Variants in SEZ6L observed in about 807,000 individuals in gnomAD.
The protein encoded by SEZ6L is seizure 6-like protein.
SEZ6L carries 37 observed loss-of-function variants against 106.2 expected under a neutral mutation model. That is an observed-to-expected ratio of 0.35 (90% CI 0.27 to 0.46). The LOEUF is 0.46. Among genes scored for constraint, SEZ6L ranks in the 20% least tolerant of loss-of-function variants. SEZ6L has a pLI of 1.00. For missense variants in SEZ6L, 1,172 were observed against 1,332.8 expected (o/e 0.88, Z 1.88); for synonymous variants, 541 against 570.4 (o/e 0.95, Z 0.73).
At chr22:26,179,612 G>A (rs888045145) in intron 1 of SEZ6L, among the ~76,000 whole-genome samples, 1 of 152,164 alleles carries the variant, frequency 6.6e-6, no homozygotes, top group Admixed American at 6.6e-5. Flanking sequence ...GCCAAAAAGG[G>A]TCTAAGGCAT....
At position 26,377,779 on chromosome 22, in the gene SEZ6L, A is replaced by T; in HGVS notation, c.3045+4A>T. ...CAACCCCATTTACGAGACAGGGGTG[A>T]GTTGGTCTCTCTCGTCTCTTCCCAA... On this transcript the variant is annotated splice_donor_region_variant and intron_variant, in intron 16 of 16. Coordinates refer to ENST00000248933, the MANE Select transcript of SEZ6L (RefSeq NM_021115.5). 1.3e-6 allele frequency: 2 copies of T among 1,596,072 alleles called. No individual in the cohort carries two copies. The highest frequency in any genetic ancestry group is 1.7e-6 in the Non-Finnish European group (2 of 1,163,606).
intron 9 of SEZ6L, among the ~76,000 whole-genome samples, 162 bp downstream of exon 9, chr22:26,314,064 T>C (rs368645704): frequency 4.9e-4 from 68 of 140,084 alleles, no homozygotes; most frequent in Non-Finnish European, 8.0e-4. Flanking sequence ...AAGAACAGCA[T>C]CACAAATACA....
chr22:26,245,393 G>C (rs1024895147), intron 1 of SEZ6L, among the ~76,000 whole-genome samples: 3 of 152,110 alleles, frequency 2.0e-5, no homozygotes, highest in African/African-American at 7.2e-5. Context: ...CTCCCAGGCA[G>C]CCCTTGAATT....
At chr22:26,219,892 T>C (rs377169435) in intron 1 of SEZ6L, among the ~76,000 whole-genome samples, 1 of 152,196 alleles carries the variant, frequency 6.6e-6, no homozygotes, top group African/African-American at 2.4e-5. Flanking sequence ...CAAACCACCA[T>C]GGGACACGTT....
At chr22:26,233,506 G>A (rs1442513993) in intron 1 of SEZ6L, among the ~76,000 whole-genome samples, 4 of 152,182 alleles carry the variant, frequency 2.6e-5, no homozygotes, top group South Asian at 2.1e-4. Context: ...CATGAGGAAG[G>A]GAAGTCTATT....
chr22:26,347,151 A>G (rs986803164), intron 10 of SEZ6L, among the ~76,000 whole-genome samples: 8 of 151,970 alleles, frequency 5.3e-5, no homozygotes, highest in Non-Finnish European at 1.0e-4. Context: ...AGCTATGATC[A>G]TACTCTTGCA....
intron 13 of SEZ6L, among the ~76,000 whole-genome samples, chr22:26,366,384 T>C (rs1187988678): frequency 1.3e-5 from 2 of 151,794 alleles, no homozygotes; most frequent in African/African-American, 2.4e-5. Flanking sequence ...ATCACAATTA[T>C]GAAAATGTTC....
intron 1 of SEZ6L, among the ~76,000 whole-genome samples, chr22:26,263,726 G>A (rs1321842167): frequency 6.6e-6 from 1 of 152,178 alleles, no homozygotes; most frequent in East Asian, 1.9e-4. Context: ...AGCATTTACA[G>A]TGCAGGAAAA....
At chr22:26,373,159 A>T (rs1270820262) in intron 13 of SEZ6L, among the ~76,000 whole-genome samples, 1 of 152,238 alleles carries the variant, frequency 6.6e-6, no homozygotes, top group Non-Finnish European at 1.5e-5. Context: ...TTAACTGAGC[A>T]AATGTATGTA....
chr22:26,264,841 A>T (rs1465732605), intron 1 of SEZ6L, among the ~76,000 whole-genome samples: 5 of 152,200 alleles, frequency 3.3e-5, no homozygotes, highest in African/African-American at 9.7e-5. Flanking sequence ...AGGGGAAATG[A>T]TTGGGATGTG....
chr22:26,364,596 T>A (rs1163819211), intron 12 of SEZ6L, among the ~76,000 whole-genome samples: 1 of 152,148 alleles, frequency 6.6e-6, no homozygotes, highest in Non-Finnish European at 1.5e-5. Flanking sequence ...GTACTTTGTG[T>A]CTGCAGCTGA....
intron 1 of SEZ6L, among the ~76,000 whole-genome samples, chr22:26,287,011 G>T (rs984699183): frequency 6.7e-6 from 1 of 150,014 alleles, no homozygotes; most frequent in African/African-American, 2.5e-5. Context: ...GCCTCCCAAA[G>T]TGCTGGGATT....
chr22:26,281,151 AATTAATGG>A (rs146747099), intron 1 of SEZ6L, among the ~76,000 whole-genome samples: 4,598 of 152,224 alleles, frequency 0.03, 100 homozygotes, highest in East Asian at 0.055. Flanking sequence ...ACTACTCCTG[AATTAATGG>A]ATTAATGGAT....
chr22:26,175,492 C>T (rs969963612), intron 1 of SEZ6L, among the ~76,000 whole-genome samples: 1 of 152,144 alleles, frequency 6.6e-6, no homozygotes, highest in African/African-American at 2.4e-5. Context: ...AAGACCGTTT[C>T]ACCATTAATG....
chr22:26,349,938 G>T (rs1388100166), intron 11 of SEZ6L, among the ~76,000 whole-genome samples: 1 of 151,972 alleles, frequency 6.6e-6, no homozygotes, highest in Non-Finnish European at 1.5e-5. Context: ...GAAAAGTAAT[G>T]AAAGTTTATT....
rs147328329 is a variant in SEZ6L, at chr22:26,310,685, C to T, written c.1530C>T (p.Ser510=). 99 of 1,613,972 alleles carry T rather than the reference C, an allele frequency of 6.1e-5. No homozygotes were observed. The Middle Eastern group carries it at 6.6e-4, about 11-fold the overall frequency. ...CCACTGCCAGGATGACGGTTCACAG[C>T]GGGCAGACCAACAAGTCAGCTCTTC... ...LHDKDRMTVH[S]GQTNKSALLY... Residue 510 remains serine, a synonymous_variant, in exon 7 of 17, where the codon AGC becomes AGT. Transcript: ENST00000248933.
chr22:26,291,749 C>T (rs2081115473), intron 1 of SEZ6L, among the ~76,000 whole-genome samples: 1 of 152,212 alleles, frequency 6.6e-6, no homozygotes, highest in South Asian at 2.1e-4. Flanking sequence ...CCCAACTGTA[C>T]ATGGCATGCC....
intron 4 of SEZ6L, among the ~76,000 whole-genome samples, chr22:26,298,694 T>C (rs6519646): frequency 0.21 from 32,341 of 152,090 alleles, 3,797 homozygotes; most frequent in African/African-American, 0.3. Flanking sequence ...AATCTGTCTC[T>C]ACATAGATAG....
chr22:26,363,192 T>C (rs1402974396), intron 12 of SEZ6L, among the ~76,000 whole-genome samples: 1 of 152,214 alleles, frequency 6.6e-6, no homozygotes, highest in Non-Finnish European at 1.5e-5. Context: ...ATCTAAATTA[T>C]TATTTGAAAT....
Sources: allele counts gnomAD v4.1 joint callset (sites outside exome capture counted in the v4.1 genomes callset), GRCh38; gene constraint gnomAD v4.1.1; transcripts MANE v1.5; gene names NCBI Gene and HGNC (gene_info 2026-07-23, HGNC 2026-07-21).